The following NUMB variants were observed in gnomAD, a reference collection of about 807,000 sequenced individuals.
NUMB encodes the protein NUMB endocytic adaptor protein, also known as protein numb homolog.
In NUMB, 29 loss-of-function variants were observed where a neutral mutation model predicts 59.7. The observed-to-expected ratio is 0.49, with a 90% CI of 0.36 to 0.66. The LOEUF (loss-of-function observed/expected upper bound fraction) is 0.66. Ranked by LOEUF, NUMB falls within the 30% of genes least tolerant of loss-of-function variation. The probability of loss-of-function intolerance (pLI) is 0.00; values close to 1 mark genes in which losing one functional copy is unlikely to be tolerated. For synonymous variants in NUMB, 288 were observed against 288.2 expected (o/e 1.00, Z 0.01); for missense variants, 723 against 822.0 (o/e 0.88, Z 1.47).
At chr14:73,278,022 A>G (rs1464395907) in intron 12 of NUMB, among the ~76,000 whole-genome samples, 9 of 121,770 alleles carry the variant, frequency 7.4e-5, no homozygotes, top group Non-Finnish European at 1.1e-4. Flanking sequence ...ACTCCAGCCT[A>G]GTGACACAGC....
At chr14:73,298,421 TA>T (rs1889917232) in intron 6 of NUMB, 1 of 152,188 alleles carries the variant, frequency 6.6e-6, no homozygotes, top group South Asian at 2.1e-4. Context: ...CAGGAAGATT[TA>T]AAAACTACTG....
chr14:73,398,411 AGAGAGTGTGTGTGT>A (rs1388089967), intron 2 of NUMB, among the ~76,000 whole-genome samples: 46 of 104,054 alleles, frequency 4.4e-4, no homozygotes, highest in African/African-American at 1.1e-3. Flanking sequence ...AGAGAGAGAG[AGAGAGTGTGTGTGT>A]GTGTGTGTGT....
chr14:73,409,104 TC>T (rs1206670427), intron 2 of NUMB: 1 of 152,186 alleles, frequency 6.6e-6, no homozygotes, highest in Non-Finnish European at 1.5e-5. Context: ...GCAGATATTA[TC>T]CAAAGATGCC....
intron 6 of NUMB, among the ~76,000 whole-genome samples, chr14:73,299,939 G>A (rs1238904634): frequency 6.6e-6 from 1 of 152,064 alleles, no homozygotes; most frequent in Non-Finnish European, 1.5e-5. Context: ...GTAGCCCACT[G>A]AGCTTCCATC....
intron 2 of NUMB, among the ~76,000 whole-genome samples, chr14:73,378,527 A>T (rs1327469602): frequency 6.6e-6 from 1 of 152,120 alleles, no homozygotes; most frequent in Non-Finnish European, 1.5e-5. Flanking sequence ...TGAATAGATA[A>T]ACAAACTGTG....
rs568101576 is a variant in NUMB at position 73,319,340 on chromosome 14, T to C, written c.202-2918A>G. On this transcript the variant is annotated intron_variant, in intron 5 of 12. Coordinates refer to ENST00000555238, the MANE Select transcript of NUMB (RefSeq NM_001005743.2). ...GATTATTCACTAGATGTGTTGGTGG[T>C]ACAGTGATGAGCATAGCTGCCTTCC... is the stretch of plus-strand genomic sequence containing the variant. Among the ~76,000 whole-genome samples, 175 of 152,338 alleles carry C rather than the reference T, an allele frequency of 1.1e-3. 5 individuals carry two copies. The highest frequency in any genetic ancestry group is 5.2e-4 in the Admixed American group (8 of 15,296).
chr14:73,353,410 C>T (rs1893574339), intron 4 of NUMB, among the ~76,000 whole-genome samples: 2 of 150,610 alleles, frequency 1.3e-5, no homozygotes. Context: ...TTAACCAATT[C>T]CAGAATGATG....
At chr14:73,292,628 C>T in intron 8 of NUMB, 106 bp downstream of exon 8, 1 of 1,124,518 alleles carries the variant, frequency 8.9e-7, no homozygotes, top group Non-Finnish European at 1.3e-6. Context: ...TAGGCACTTC[C>T]AAGTACTTGT....
chr14:73,316,853 G>A (rs1055719859), intron 5 of NUMB, among the ~76,000 whole-genome samples: 10 of 152,036 alleles, frequency 6.6e-5, no homozygotes, highest in Admixed American at 5.9e-4. Context: ...TAAAATTGGC[G>A]GTCAACTATG....
intron 6 of NUMB, among the ~76,000 whole-genome samples, chr14:73,307,532 T>C (rs941227069): frequency 7.2e-5 from 11 of 151,966 alleles, no homozygotes; most frequent in African/African-American, 2.7e-4. Flanking sequence ...GTGCCTGGTT[T>C]GTTTAAGGAA....
chr14:73,454,815 C>T (rs917568162), intron 1 of NUMB, among the ~76,000 whole-genome samples: 24 of 152,236 alleles, frequency 1.6e-4, no homozygotes, highest in African/African-American at 5.8e-4. Context: ...AATCAAACTG[C>T]TCAATGTTCT....
intron 8 of NUMB, among the ~76,000 whole-genome samples, chr14:73,291,256 T>C (rs1469050734): frequency 6.6e-6 from 1 of 152,006 alleles, no homozygotes; most frequent in Non-Finnish European, 1.5e-5. Flanking sequence ...AATTTTTGTA[T>C]TTTTAGTAGA....
chr14:73,434,933 C>T (rs1191399430), intron 1 of NUMB, among the ~76,000 whole-genome samples: 3 of 152,100 alleles, frequency 2.0e-5, no homozygotes, highest in African/African-American at 7.2e-5. Context: ...ATCCATCTCC[C>T]ATCTCTGCTC....
intron 6 of NUMB, among the ~76,000 whole-genome samples, chr14:73,302,542 G>A (rs192905238): frequency 6.6e-6 from 1 of 151,784 alleles, no homozygotes; most frequent in East Asian, 1.9e-4. Flanking sequence ...GAGTAGCTGG[G>A]ATTATGGGTG....
intron 6 of NUMB, among the ~76,000 whole-genome samples, chr14:73,304,662 A>G (rs1175544744): frequency 6.6e-6 from 1 of 152,192 alleles, no homozygotes; most frequent in African/African-American, 2.4e-5. Flanking sequence ...AGTTGGTGAT[A>G]TACATGGTAG....
At position 73,411,322 on chromosome 14, in the gene NUMB, G is replaced by C. The variant is rs76778949; in HGVS notation, c.-232-1254C>G. 4.2e-3 allele frequency among the ~76,000 whole-genome samples: 626 copies of C among 149,236 alleles called. 3 individuals are homozygous for C. Among genetic ancestry groups the C allele is most frequent in the African/African-American group, 0.015 (599 of 40,100 alleles). On this transcript the variant is annotated intron_variant, in intron 1 of 12. Coordinates refer to ENST00000555238, the MANE Select transcript of NUMB (RefSeq NM_001005743.2). ...TTTTAAAGTGAGTTTTGTAGTCGTA[G>C]GATGAGTTAATTATAACCTCTTTAA...
intron 2 of NUMB, among the ~76,000 whole-genome samples, chr14:73,400,246 G>A (rs956258526): frequency 1.3e-5 from 2 of 152,090 alleles, no homozygotes; most frequent in Admixed American, 1.3e-4. Context: ...ACAGGAAAAG[G>A]ATCAGTGGTT....
chr14:73,445,605 G>A (rs899012284), intron 1 of NUMB, among the ~76,000 whole-genome samples: 4 of 151,992 alleles, frequency 2.6e-5, no homozygotes, highest in South Asian at 2.1e-4. Context: ...CACCTGCTTC[G>A]GTAAAAATGC....
chr14:73,458,386 C>T (rs1884585880), intron 1 of NUMB, 107 bp downstream of exon 1: 1 of 153,326 alleles, frequency 6.5e-6, no homozygotes, highest in Admixed American at 6.6e-5. Context: ...CGGGCCCCGA[C>T]CCGAAGTCCA....
Sources: allele counts gnomAD v4.1 joint callset (sites outside exome capture counted in the v4.1 genomes callset), GRCh38; gene constraint gnomAD v4.1.1; transcripts MANE v1.5; gene names NCBI Gene and HGNC (gene_info 2026-07-23, HGNC 2026-07-21).